Variants in TSEN2 observed in about 807,000 individuals in gnomAD.
TSEN2 encodes the protein tRNA-splicing endonuclease subunit Sen2.
In TSEN2, 54 loss-of-function variants were observed where a neutral mutation model predicts 59.2. That is an observed-to-expected ratio of 0.91 (90% CI 0.73 to 1.14). The LOEUF (loss-of-function observed/expected upper bound fraction) is 1.14, where lower values mean the gene tolerates loss of function less well. Among genes scored for constraint, TSEN2 ranks in the 50% most tolerant of loss-of-function variants. TSEN2 has a pLI of 0.00. For synonymous variants in TSEN2, 195 were observed against 198.2 expected (o/e 0.98, Z 0.14); for missense variants, 636 against 576.2 (o/e 1.10, Z -1.06).
downstream of TSEN2, among the ~76,000 whole-genome samples, chr3:12,534,803 CA>C (rs34727253): frequency 0.29 from 19,936 of 69,120 alleles, 1,484 homozygotes; most frequent in African/African-American, 0.37. Flanking sequence ...GACTCTGTCT[CA>C]AAAAAAAAAA....
At chr3:12,509,104 T>A (rs1430956102) in intron 6 of TSEN2, among the ~76,000 whole-genome samples, 1 of 152,194 alleles carries the variant, frequency 6.6e-6, no homozygotes, top group African/African-American at 2.4e-5. Context: ...AATTTTTTTT[T>A]AAATGAAAGT....
chr3:12,518,930 C>T, intron 7 of TSEN2, 129 bp from the exon 8 acceptor site: 3 of 894,740 alleles, frequency 3.4e-6, no homozygotes, highest in Admixed American at 4.1e-5. Flanking sequence ...AAATAAATTG[C>T]TCTGCTGGGG....
At chr3:12,483,856 C>T (rs2052318146), upstream of TSEN2, among the ~76,000 whole-genome samples, 1 of 152,192 alleles carries the variant, frequency 6.6e-6, no homozygotes, top group Non-Finnish European at 1.5e-5. Context: ...TTCTGATGGC[C>T]CATTTTTCAG....
At chr3:12,517,118 C>T (rs1229364256) in intron 7 of TSEN2, among the ~76,000 whole-genome samples, 2 of 151,988 alleles carry the variant, frequency 1.3e-5, no homozygotes, top group African/African-American at 2.4e-5. Context: ...GGGGCCGAGG[C>T]GGGCAGATCA....
In TSEN2 at chr3:12,503,333, G is replaced by C. The variant is rs760684734; in HGVS notation, c.380G>C (p.Arg127Thr). The C allele has an allele frequency of 4.3e-6, 7 of 1,614,202 alleles. No individual in the cohort carries two copies. In the South Asian group the frequency reaches 6.6e-5, roughly 15 times the overall value. ...RQGQDESTVR[R>T]ILKDYTKPLE... ...GGGCAGGATGAGAGTACAGTGCGCAGAATCCTCAAGGATTACACGAAACCG... is the reference window on the plus strand; with the variant it reads ...GGGCAGGATGAGAGTACAGTGCGCACAATCCTCAAGGATTACACGAAACCG... The change falls in exon 5 of 12, where the codon AGA (arginine) becomes ACA (threonine). Residue 127 changes from arginine to threonine, a missense_variant. Transcript: ENST00000284995.
chr3:12,503,839 T>C, intron 5 of TSEN2, 55 bp downstream of exon 5: 1 of 1,577,444 alleles, frequency 6.3e-7, no homozygotes, highest in Non-Finnish European at 8.6e-7. Flanking sequence ...CTGGAGATGT[T>C]GGCTAATAGG....
At chr3:12,538,199 A>G (rs1413189155), downstream of TSEN2, among the ~76,000 whole-genome samples, 2 of 152,246 alleles carry the variant, frequency 1.3e-5, no homozygotes, top group Non-Finnish European at 2.9e-5. Context: ...GATCTGTAGC[A>G]AGTTTTCTGA....
intron 6 of TSEN2, chr3:12,514,905 G>C (rs2055896182): frequency 6.6e-6 from 1 of 152,076 alleles, no homozygotes; most frequent in Non-Finnish European, 1.5e-5. Flanking sequence ...TTTGGAAGAG[G>C]CTTCGTTTTT....
intron 1 of TSEN2, among the ~76,000 whole-genome samples, 184 bp downstream of exon 1, chr3:12,485,064 C>T (rs529737173): frequency 6.6e-6 from 1 of 152,184 alleles, no homozygotes; most frequent in Non-Finnish European, 1.5e-5. Flanking sequence ...GTTTATATGG[C>T]TTATTCTCAG....
chr3:12,485,249 A>G (rs931489792), intron 1 of TSEN2, among the ~76,000 whole-genome samples: 1 of 152,124 alleles, frequency 6.6e-6, no homozygotes, highest in Non-Finnish European at 1.5e-5. Flanking sequence ...CTAGTCCAGG[A>G]AGGTTGGAAA....
At chr3:12,521,584 G>A (rs1218746901) in intron 8 of TSEN2, among the ~76,000 whole-genome samples, 4 of 152,122 alleles carry the variant, frequency 2.6e-5, no homozygotes, top group Admixed American at 6.6e-5. Flanking sequence ...GTGTGGTGGT[G>A]CATGCCTGTA....
At chr3:12,529,382 C>T (rs2057314004) in intron 9 of TSEN2, among the ~76,000 whole-genome samples, 1 of 149,674 alleles carries the variant, frequency 6.7e-6, no homozygotes, top group South Asian at 2.1e-4. Context: ...CAGAGAATTG[C>T]TTGAACCCAG....
At chr3:12,521,161 A>G (rs114212639) in intron 8 of TSEN2, among the ~76,000 whole-genome samples, 1,944 of 152,256 alleles carry the variant, frequency 0.013, 45 homozygotes, top group African/African-American at 0.044. Flanking sequence ...GCATCCCCCA[A>G]TCTTAAAGTG....
chr3:12,532,706 C>T lies in TSEN2; in HGVS notation c.1383C>T (p.Asp461=). ...SRWVSSRERS[D]QDDL ...GGGTTTCTTCACGAGAGAGGAGTGACCAAGACGATCTTTAACAATTCAACC... is the reference window on the plus strand; with the variant it reads ...GGGTTTCTTCACGAGAGAGGAGTGATCAAGACGATCTTTAACAATTCAACC... Residue 461 remains aspartate (D), a synonymous_variant, in exon 12 of 12, where the codon GAC becomes GAT. Coordinates refer to ENST00000284995, the MANE Select transcript of TSEN2 (RefSeq NM_025265.4). 6.2e-7 allele frequency: 1 copy of T among 1,614,050 alleles called. No homozygotes were observed.
intron 6 of TSEN2, chr3:12,506,698 A>C: frequency 1.0e-6 from 1 of 984,900 alleles, no homozygotes; most frequent in Non-Finnish European, 1.2e-6. Context: ...TTTCTTGCTT[A>C]TGTTGATAGT....
chr3:12,481,791 G>C (rs1193551231), upstream of TSEN2, among the ~76,000 whole-genome samples: 1 of 152,110 alleles, frequency 6.6e-6, no homozygotes, highest in Non-Finnish European at 1.5e-5. Context: ...CTTGTATCTT[G>C]TATTTCTCCT....
intron 1 of TSEN2, among the ~76,000 whole-genome samples, chr3:12,487,287 G>A (rs1253626885): frequency 6.6e-6 from 1 of 152,198 alleles, no homozygotes; most frequent in Non-Finnish European, 1.5e-5. Context: ...GGATTATGAG[G>A]GGTGTTTTGT....
intron 6 of TSEN2, among the ~76,000 whole-genome samples, chr3:12,510,382 T>G (rs10510423): frequency 0.019 from 2,847 of 152,336 alleles, 47 homozygotes; most frequent in South Asian, 0.059. Flanking sequence ...AACTCCAGTT[T>G]TAGAGGCTGC....
At chr3:12,531,682 A>G (rs1437371985) in intron 11 of TSEN2, 23 bp downstream of exon 11, 6 of 1,421,964 alleles carry the variant, frequency 4.2e-6, no homozygotes, top group Non-Finnish European at 4.0e-6. Flanking sequence ...AGAGAAATTC[A>G]TGTCATCCCA....
Sources: allele counts gnomAD v4.1 joint callset (sites outside exome capture counted in the v4.1 genomes callset), GRCh38; gene constraint gnomAD v4.1.1; transcripts MANE v1.5; gene names NCBI Gene and HGNC (gene_info 2026-07-23, HGNC 2026-07-21).